PRPF18: variants seen among roughly 807,000 people sequenced by gnomAD.
PRPF18 encodes pre-mRNA processing factor 18.
Under a neutral mutation model 46.5 loss-of-function variants are expected in PRPF18, and 38 were observed. That is an observed-to-expected ratio of 0.82 (90% CI 0.63 to 1.07). The LOEUF (loss-of-function observed/expected upper bound fraction) is 1.07. Among genes scored for constraint, PRPF18 ranks in the 50% least tolerant of loss-of-function variants. The pLI is 0.00. For missense variants in PRPF18, 263 were observed against 410.0 expected, an observed-to-expected ratio of 0.64 and a Z score of 3.10; for synonymous variants, 152 against 146.7, an observed-to-expected ratio of 1.04 and a Z score of -0.26.
chr10:13,618,747 G>A (rs983883830), intron 9 of PRPF18, among the ~76,000 whole-genome samples: 4 of 150,066 alleles, frequency 2.7e-5, no homozygotes, highest in Admixed American at 2.7e-4. Flanking sequence ...GTTCAGTATT[G>A]TACCCCTAGA....
chr10:13,653,335 G>A, the PRPF18 span: 1 of 152,298 alleles, frequency 6.6e-6, no homozygotes, highest in Non-Finnish European at 1.5e-5. Context: ...CCAACGTGGT[G>A]AAACCCTGTC....
chr10:13,592,823 C>T (rs986492661), intron 1 of PRPF18, among the ~76,000 whole-genome samples: 1 of 152,178 alleles, frequency 6.6e-6, no homozygotes, highest in Non-Finnish European at 1.5e-5. Context: ...TTTTTTCCTT[C>T]CAGTATTTAC....
At chr10:13,596,475 G>A (rs534414512) in intron 1 of PRPF18, among the ~76,000 whole-genome samples, 13 of 152,112 alleles carry the variant, frequency 8.5e-5, no homozygotes, top group Non-Finnish European at 1.9e-4. Flanking sequence ...AATGAGCTTT[G>A]GAACTATGAG....
At chr10:13,609,742 T>A (rs558603456) in intron 4 of PRPF18, among the ~76,000 whole-genome samples, 1 of 152,216 alleles carries the variant, frequency 6.6e-6, no homozygotes, top group South Asian at 2.1e-4. Context: ...ATTAGAAAAT[T>A]ACAGCATTGA....
intron 9 of PRPF18, among the ~76,000 whole-genome samples, chr10:13,627,116 A>G (rs1446953938): frequency 6.6e-6 from 1 of 152,206 alleles, no homozygotes; most frequent in Admixed American, 6.5e-5. Flanking sequence ...TCTGTTGTTC[A>G]GAACCCTGCA....
intron 1 of PRPF18, among the ~76,000 whole-genome samples, chr10:13,587,661 C>G (rs1450623836): frequency 6.6e-6 from 1 of 152,204 alleles, no homozygotes; most frequent in Non-Finnish European, 1.5e-5. Context: ...AGACCGAACC[C>G]TTCATCCAGA....
the PRPF18 span, chr10:13,654,865 A>C: frequency 3.3e-6 from 1 of 305,564 alleles, no homozygotes; most frequent in African/African-American, 2.2e-5. Flanking sequence ...TGATGTCCCC[A>C]TAGTCCTTTG....
Position 13,593,966 on chromosome 10 carries a change from C to G in PRPF18, c.67-3492C>G, listed in dbSNP as rs555135311. Among the ~76,000 whole-genome samples, 4 of 152,266 alleles carry G rather than the reference C, an allele frequency of 2.6e-5. No individual in the cohort carries two copies. The East Asian group carries it at 7.7e-4, about 29-fold the overall frequency. ...CCAGGACCAATAGGCAATGTTGAGG[C>G]CCCAGTGGTTTTTGCCAGCATTGTT... On this transcript the variant is annotated intron_variant, in intron 1 of 9. Coordinates refer to ENST00000378572, the MANE Select transcript of PRPF18 (RefSeq NM_003675.4).
chr10:13,621,814 G>C (rs1012274663), intron 9 of PRPF18, among the ~76,000 whole-genome samples: 6 of 152,150 alleles, frequency 3.9e-5, no homozygotes, highest in Non-Finnish European at 7.3e-5. Flanking sequence ...GTTGTTTTCA[G>C]TAAGCTTAAG....
intron 6 of PRPF18, among the ~76,000 whole-genome samples, chr10:13,612,085 G>A (rs1422478835): frequency 6.6e-6 from 1 of 151,892 alleles, no homozygotes; most frequent in Non-Finnish European, 1.5e-5. Context: ...TCACCATGTT[G>A]GCCACGCTGA....
intron 8 of PRPF18, among the ~76,000 whole-genome samples, chr10:13,616,055 T>G (rs774889105): frequency 6.6e-6 from 1 of 152,162 alleles, no homozygotes; most frequent in Non-Finnish European, 1.5e-5. Flanking sequence ...AGACCAAAAC[T>G]AGAATTTTCA....
At chr10:13,593,329 C>T (rs985592170) in intron 1 of PRPF18, among the ~76,000 whole-genome samples, 2 of 152,114 alleles carry the variant, frequency 1.3e-5, no homozygotes, top group Non-Finnish European at 2.9e-5. Flanking sequence ...GAGAAAGTTA[C>T]TGAAGGAAGG....
rs1459212469 is a variant in PRPF18 at position 13,610,289 on chromosome 10, C to T, written c.510+104C>T. On this transcript the variant is annotated intron_variant, in intron 5 of 9. Coordinates refer to ENST00000378572, the MANE Select transcript of PRPF18 (RefSeq NM_003675.4). ...GTTGAGGGCAGAGCACACTGTTGTC[C>T]TTGGTCTTTTGTTTATTTACTCCTC... 5.5e-6 allele frequency: 7 copies of T among 1,269,716 alleles called. No homozygotes were observed. In the East Asian group the frequency reaches 1.5e-4, roughly 26 times the overall value. The allele number at this position is 1,269,716 out of a possible 1,614,324, so 78.7% of individuals were successfully genotyped here.
the PRPF18 span, among the ~76,000 whole-genome samples, chr10:13,650,350 G>T: frequency 6.6e-6 from 1 of 152,178 alleles, no homozygotes; most frequent in African/African-American, 2.4e-5. Context: ...TACCTGGTCT[G>T]GGAAGGTGCT....
chr10:13,629,541 A>T (rs1350510589), intron 9 of PRPF18, among the ~76,000 whole-genome samples: 1 of 152,186 alleles, frequency 6.6e-6, no homozygotes, highest in Non-Finnish European at 1.5e-5. Context: ...CTTGCACTTA[A>T]GTTTGTCATT....
At chr10:13,591,562 C>T (rs1006101811) in intron 1 of PRPF18, 2 of 714,218 alleles carry the variant, frequency 2.8e-6, no homozygotes, top group Non-Finnish European at 5.2e-6. Flanking sequence ...AAATTTGTGA[C>T]TCCACAGCTT....
chr10:13,613,135 A>G (rs571432464), intron 6 of PRPF18, among the ~76,000 whole-genome samples: 61 of 152,200 alleles, frequency 4.0e-4, no homozygotes, highest in Non-Finnish European at 7.1e-4. Flanking sequence ...TAGGATATGC[A>G]TAGATGATGC....
chr10:13,623,469 G>GT (rs1241884393), intron 9 of PRPF18, among the ~76,000 whole-genome samples: 1 of 152,096 alleles, frequency 6.6e-6, no homozygotes, highest in East Asian at 1.9e-4. Flanking sequence ...CACTCATCTT[G>GT]TTTTTTTATT....
intron 1 of PRPF18, among the ~76,000 whole-genome samples, chr10:13,596,974 A>T (rs543482838): frequency 5.3e-5 from 8 of 152,354 alleles, no homozygotes; most frequent in African/African-American, 1.9e-4. Context: ...GATTGATATA[A>T]TAAGGTTCCA....
Sources: gnomAD v4.1 joint callset for allele counts (sites outside exome capture counted in the v4.1 genomes callset) on GRCh38, gnomAD v4.1.1 for gene constraint, MANE v1.5 for transcripts, NCBI Gene and HGNC (gene_info 2026-07-23, HGNC 2026-07-21) for gene names.